ZHX2: variants seen among roughly 807,000 people sequenced by gnomAD.
The protein encoded by ZHX2 is zinc fingers and homeoboxes 2, also known as zinc fingers and homeoboxes protein 2.
Under a neutral mutation model 21.9 loss-of-function variants are expected in ZHX2, and 6 were observed. The observed-to-expected ratio is 0.27, with a 90% CI of 0.15 to 0.54. ZHX2 has a LOEUF of 0.54. Ranked by LOEUF, ZHX2 falls within the 20% of genes least tolerant of loss-of-function variation. ZHX2 has a pLI of 0.95. For synonymous variants in ZHX2, 434 were observed against 437.1 expected, an observed-to-expected ratio of 0.99 and a Z score of 0.09; for missense variants, 908 against 1,090.7, an observed-to-expected ratio of 0.83 and a Z score of 2.36.
chr8:122,864,450 A>T (rs1386798085), intron 2 of ZHX2, among the ~76,000 whole-genome samples: 1 of 152,072 alleles, frequency 6.6e-6, no homozygotes, highest in East Asian at 1.9e-4. Flanking sequence ...CACCTGCTGT[A>T]TGTGGTCCAG....
rs952878049 is a variant in ZHX2, at chr8:122,973,568, A to G, written c.*331A>G. The G allele has an allele frequency of 2.0e-5, 3 of 152,596 alleles. No homozygotes were observed. Among genetic ancestry groups the G allele is most frequent in the Non-Finnish European group, 4.4e-5 (3 of 68,034 alleles). The allele number at this position is 152,596 out of a possible 1,614,324, so 9.5% of individuals were successfully genotyped here. A position where few individuals can be genotyped will look rare whatever the true frequency, so the allele number is the denominator to read the frequency against. On this transcript the variant is annotated 3_prime_UTR_variant, in exon 4 of 4. Transcript: ENST00000314393. ...TGGGAATTTTGTTACCTTTTTAATC[A>G]AGGGCAACTTCCTTTTCCAGCACTA...
intron 1 of ZHX2, among the ~76,000 whole-genome samples, chr8:122,855,625 G>A (rs1819007262): frequency 6.6e-6 from 1 of 151,982 alleles, no homozygotes; most frequent in African/African-American, 2.4e-5. Flanking sequence ...CTATGAGTCA[G>A]TACATTTATG....
In ZHX2 at chr8:122,879,259, T is replaced by A. The variant is rs540468111; in HGVS notation, c.-220+15720T>A. ...GTCTCGCTCTGTCACCAGGCTGGAGTGCAGTGGCACGATCTTGGCTCACTG... is the reference window on the plus strand; with the variant it reads ...GTCTCGCTCTGTCACCAGGCTGGAGAGCAGTGGCACGATCTTGGCTCACTG... On this transcript the variant is annotated intron_variant, in intron 2 of 3. Transcript: ENST00000314393. Among the ~76,000 whole-genome samples the A allele has an allele frequency of 3.2e-3, 489 of 152,138 alleles. 2 individuals carry two copies. The highest frequency in any genetic ancestry group is 6.8e-3 in the Middle Eastern group (2 of 294).
intron 2 of ZHX2, among the ~76,000 whole-genome samples, chr8:122,936,934 G>T (rs1812713317): frequency 6.6e-6 from 1 of 152,228 alleles, no homozygotes. Flanking sequence ...CTTGGATCAG[G>T]CTGTTCCTTA....
intron 2 of ZHX2, among the ~76,000 whole-genome samples, chr8:122,890,320 T>A (rs191724776): frequency 2.6e-5 from 4 of 152,312 alleles, no homozygotes; most frequent in Admixed American, 2.0e-4. Context: ...GGTCTATATG[T>A]CTTTTATAAT....
At chr8:122,916,226 A>G (rs1047425421) in intron 2 of ZHX2, among the ~76,000 whole-genome samples, 1 of 152,228 alleles carries the variant, frequency 6.6e-6, no homozygotes, top group Non-Finnish European at 1.5e-5. Context: ...AAGACTGGCA[A>G]CGAGGCGAGA....
At chr8:122,896,692 T>C (rs1003120819) in intron 2 of ZHX2, among the ~76,000 whole-genome samples, 1 of 152,204 alleles carries the variant, frequency 6.6e-6, no homozygotes, top group African/African-American at 2.4e-5. Context: ...ACACATTAAG[T>C]CACATAGCCA....
intron 2 of ZHX2, among the ~76,000 whole-genome samples, chr8:122,869,732 A>C (rs938004316): frequency 3.9e-5 from 6 of 152,210 alleles, no homozygotes; most frequent in African/African-American, 9.7e-5. Flanking sequence ...GAGAGTGTGC[A>C]CTTTGGAGCC....
chr8:122,809,803 TG>T (rs903593191), intron 1 of ZHX2, among the ~76,000 whole-genome samples: 2 of 152,230 alleles, frequency 1.3e-5, no homozygotes, highest in African/African-American at 4.8e-5. Context: ...GCCACTCTGC[TG>T]CCATTTCTTC....
intron 1 of ZHX2, among the ~76,000 whole-genome samples, chr8:122,852,868 G>A (rs563394019): frequency 2.0e-5 from 3 of 152,122 alleles, no homozygotes; most frequent in African/African-American, 7.2e-5. Context: ...TAAGAGCCCC[G>A]GGTGCATGTG....
chr8:122,836,774 A>C (rs556389304), intron 1 of ZHX2, among the ~76,000 whole-genome samples: 2 of 152,184 alleles, frequency 1.3e-5, no homozygotes, highest in South Asian at 2.1e-4. Context: ...GCTGGCCCAC[A>C]CTGCTGGCGC....
At chr8:122,880,095 C>T (rs1563765842) in intron 2 of ZHX2, among the ~76,000 whole-genome samples, 1 of 151,584 alleles carries the variant, frequency 6.6e-6, no homozygotes, top group Non-Finnish European at 1.5e-5. Context: ...ACCTCAGCCT[C>T]CCGAGTACCT....
At chr8:122,833,676 G>A (rs769639953) in intron 1 of ZHX2, among the ~76,000 whole-genome samples, 8 of 152,032 alleles carry the variant, frequency 5.3e-5, no homozygotes, top group Non-Finnish European at 1.0e-4. Context: ...GCCTAGGAGC[G>A]GAGTTGGGCA....
intron 2 of ZHX2, among the ~76,000 whole-genome samples, chr8:122,950,454 C>T (rs1403498831): frequency 7.2e-5 from 11 of 152,126 alleles, no homozygotes; most frequent in East Asian, 1.9e-4. Context: ...GGAGAGCATT[C>T]GGACAAATAC....
intron 2 of ZHX2, among the ~76,000 whole-genome samples, chr8:122,924,139 G>A (rs1408372042): frequency 6.6e-6 from 1 of 152,158 alleles, no homozygotes; most frequent in Admixed American, 6.5e-5. Flanking sequence ...GGTAGCTTGG[G>A]AGAGATTCAT....
chr8:122,805,085 C>T (rs1250969744), intron 1 of ZHX2, among the ~76,000 whole-genome samples: 2 of 152,110 alleles, frequency 1.3e-5, no homozygotes, highest in Admixed American at 6.5e-5. Context: ...AGTTTGGGTC[C>T]CCCAGATGCA....
chr8:122,838,573 ATTTTTTTT>A (rs34833602), intron 1 of ZHX2, among the ~76,000 whole-genome samples: 1 of 117,892 alleles, frequency 8.5e-6, no homozygotes, highest in African/African-American at 3.3e-5. Flanking sequence ...TAGTAATGTG[ATTTTTTTT>A]TTTTTTTTTT....
At position 122,939,290 on chromosome 8, in the gene ZHX2, C is replaced by T. The variant is rs559164756; in HGVS notation, c.-219-12002C>T. 3.3e-5 allele frequency among the ~76,000 whole-genome samples: 5 copies of T among 152,296 alleles called. 1 individual carries two copies. In the South Asian group the frequency reaches 8.3e-4, roughly 25 times the overall value. The stretch of plus-strand genomic sequence containing the variant: ...TCACCCGTGGCGTGGAACCAGACCT[C>T]GAAGGCACGTCTCCCACTCAGGAGC... On this transcript the variant is annotated intron_variant, in intron 2 of 3. Coordinates refer to ENST00000314393, the MANE Select transcript of ZHX2 (RefSeq NM_014943.5).
chr8:122,961,012 C>T (rs1368384724), intron 3 of ZHX2, among the ~76,000 whole-genome samples: 5 of 152,234 alleles, frequency 3.3e-5, no homozygotes, highest in Admixed American at 1.3e-4. Flanking sequence ...TTTATTCTTT[C>T]TATAACCTTA....
Sources: allele counts gnomAD v4.1 joint callset (sites outside exome capture counted in the v4.1 genomes callset), GRCh38; gene constraint gnomAD v4.1.1; transcripts MANE v1.5; gene names NCBI Gene and HGNC (gene_info 2026-07-23, HGNC 2026-07-21).